CLCN3: variants seen among roughly 807,000 people sequenced by gnomAD.
CLCN3 encodes the protein H(+)/Cl(-) exchange transporter 3.
In CLCN3, 16 loss-of-function variants were observed where a neutral mutation model predicts 83.4. The observed-to-expected ratio is 0.19, with a 90% CI of 0.13 to 0.29. CLCN3 has a LOEUF of 0.29. CLCN3 is among the 10% of genes least tolerant of loss of function. The pLI is 1.00. For missense variants in CLCN3, 544 were observed against 1,006.0 expected (o/e 0.54, Z 6.21); for synonymous variants, 322 against 346.2 (o/e 0.93, Z 0.78).
intron 1 of CLCN3, among the ~76,000 whole-genome samples, chr4:169,635,268 T>G (rs1773474367): frequency 6.6e-6 from 1 of 152,158 alleles, no homozygotes; most frequent in Non-Finnish European, 1.5e-5. Context: ...CTTATTTTGG[T>G]GTTGAGTAAG....
intron 2 of CLCN3, among the ~76,000 whole-genome samples, chr4:169,656,713 G>T (rs1052418341): frequency 2.6e-5 from 4 of 151,934 alleles, no homozygotes; most frequent in Non-Finnish European, 4.4e-5. Context: ...AATCTTTTTG[G>T]CTTGGTGCAG....
intron 2 of CLCN3, among the ~76,000 whole-genome samples, chr4:169,668,166 GGTT>G (rs113845139): frequency 0.11 from 17,345 of 150,918 alleles, 1,084 homozygotes; most frequent in East Asian, 0.17. Flanking sequence ...TGTGAGAGGG[GGTT>G]GTTTTTTGTT....
chr4:169,662,790 A>C (rs1347386846), intron 2 of CLCN3: 1 of 152,212 alleles, frequency 6.6e-6, no homozygotes, highest in Admixed American at 6.5e-5. Context: ...AATTAGAATT[A>C]GTTTGATATA....
At chr4:169,693,752 T>C (rs1461873929) in intron 7 of CLCN3, among the ~76,000 whole-genome samples, 2 of 152,242 alleles carry the variant, frequency 1.3e-5, no homozygotes, top group Non-Finnish European at 2.9e-5. Context: ...AGACTTTTAC[T>C]TATTCTAAGT....
chr4:169,686,523 T>G (rs776668215), intron 3 of CLCN3, among the ~76,000 whole-genome samples: 19 of 152,082 alleles, frequency 1.2e-4, no homozygotes, highest in Non-Finnish European at 1.8e-4. Context: ...TTCAAGTGAT[T>G]CTCCTGCCTC....
intron 11 of CLCN3, among the ~76,000 whole-genome samples, chr4:169,711,641 C>T (rs1452515962): frequency 6.6e-6 from 1 of 152,024 alleles, no homozygotes; most frequent in African/African-American, 2.4e-5. Context: ...TGAGCCACTG[C>T]GCCTGGCCTG....
chr4:169,663,673 A>C (rs917816198), intron 2 of CLCN3: 5 of 419,488 alleles, frequency 1.2e-5, no homozygotes, highest in African/African-American at 1.1e-4. Flanking sequence ...GAAATTATTT[A>C]AATCCTCATC....
chr4:169,658,662 A>G (rs1730956919), intron 2 of CLCN3, among the ~76,000 whole-genome samples: 1 of 152,098 alleles, frequency 6.6e-6, no homozygotes, highest in African/African-American at 2.4e-5. Flanking sequence ...CTATTGGCTC[A>G]GTGTGCAGGA....
intron 9 of CLCN3, among the ~76,000 whole-genome samples, chr4:169,698,509 G>GAA (rs1732655061): frequency 6.6e-6 from 1 of 152,008 alleles, no homozygotes; most frequent in South Asian, 2.1e-4. Context: ...TTCCCAAGAG[G>GAA]GCTGTTTTTA....
chr4:169,656,359 C>A (rs375918816), intron 2 of CLCN3, among the ~76,000 whole-genome samples: 9 of 152,140 alleles, frequency 5.9e-5, no homozygotes, highest in African/African-American at 2.2e-4. Flanking sequence ...ATGGCCAGAG[C>A]AAAAGCAAGG....
chr4:169,657,131 T>C (rs1730910988), intron 2 of CLCN3, among the ~76,000 whole-genome samples: 1 of 152,172 alleles, frequency 6.6e-6, no homozygotes, highest in Admixed American at 6.5e-5. Flanking sequence ...GTGTCATTTA[T>C]ATAGGTAGGT....
chr4:169,701,272 GT>G (rs1199619613), intron 9 of CLCN3, among the ~76,000 whole-genome samples: 1 of 152,140 alleles, frequency 6.6e-6, no homozygotes, highest in Non-Finnish European at 1.5e-5. Context: ...ATACATTCAA[GT>G]TTTTTAAATG....
chr4:169,621,193 G>T, intron 1 of CLCN3, 130 bp downstream of exon 1: 1 of 321,470 alleles, frequency 3.1e-6, no homozygotes, highest in Non-Finnish European at 5.6e-6. Context: ...GGTACATCGT[G>T]AATTGGGATG....
intron 2 of CLCN3, among the ~76,000 whole-genome samples, chr4:169,674,571 G>A (rs1435641697): frequency 6.6e-6 from 1 of 152,150 alleles, no homozygotes; most frequent in Non-Finnish European, 1.5e-5. Context: ...AAAGCTTTAA[G>A]ATTGAGCTTT....
At chr4:169,663,825 C>T (rs1731150627) in intron 2 of CLCN3, among the ~76,000 whole-genome samples, 1 of 152,174 alleles carries the variant, frequency 6.6e-6, no homozygotes, top group Admixed American at 6.6e-5. Flanking sequence ...CTTCTCTCTA[C>T]ACGTATCTTC....
At chr4:169,633,442 A>T (rs569257884) in intron 1 of CLCN3, among the ~76,000 whole-genome samples, 9 of 152,298 alleles carry the variant, frequency 5.9e-5, no homozygotes, top group African/African-American at 2.2e-4. Context: ...TATTTTTTTT[A>T]AATATGTAAA....
chr4:169,706,083 A>G (rs1214794640), intron 10 of CLCN3, among the ~76,000 whole-genome samples: 1 of 152,082 alleles, frequency 6.6e-6, no homozygotes, highest in Admixed American at 6.5e-5. Flanking sequence ...GAAAGGGACC[A>G]TAGGCAGTGT....
chr4:169,677,953 C>T (rs1038657993), intron 2 of CLCN3, among the ~76,000 whole-genome samples: 1 of 152,160 alleles, frequency 6.6e-6, no homozygotes, highest in Non-Finnish European at 1.5e-5. Flanking sequence ...CTGTGATACT[C>T]ATATAAGATA....
intron 2 of CLCN3, among the ~76,000 whole-genome samples, chr4:169,642,081 A>T (rs1730429506): frequency 6.6e-6 from 1 of 152,130 alleles, no homozygotes; most frequent in African/African-American, 2.4e-5. Context: ...ACATTTTAAA[A>T]TTTATTTTTT....
Sources: allele counts gnomAD v4.1 joint callset (sites outside exome capture counted in the v4.1 genomes callset), GRCh38; gene constraint gnomAD v4.1.1; transcripts MANE v1.5; gene names NCBI Gene and HGNC (gene_info 2026-07-23, HGNC 2026-07-21).